The following HDC variants were observed in gnomAD, a reference collection of about 807,000 sequenced individuals.
The protein encoded by HDC is histidine decarboxylase.
In HDC, 27 loss-of-function variants were observed where a neutral mutation model predicts 64.4. The ratio of observed to expected loss-of-function variants is 0.42; its 90% CI spans 0.31 to 0.58. HDC has a LOEUF of 0.58. HDC is among the 20% of genes least tolerant of loss of function. The pLI is 0.16. For missense variants in HDC, 711 were observed against 833.9 expected, an observed-to-expected ratio of 0.85 and a Z score of 1.81; for synonymous variants, 305 against 314.2, an observed-to-expected ratio of 0.97 and a Z score of 0.31.
intron 2 of HDC, among the ~76,000 whole-genome samples, chr15:50,262,884 C>G (rs573919613): frequency 6.6e-6 from 1 of 152,222 alleles, no homozygotes; most frequent in South Asian, 2.1e-4. Context: ...TCTTACTATA[C>G]ACAGTTGTCC....
At chr15:50,243,085 A>C in intron 11 of HDC, 58 bp downstream of exon 11, 1 of 1,613,166 alleles carries the variant, frequency 6.2e-7, no homozygotes, top group Non-Finnish European at 8.5e-7. Context: ...TGTGTTTCCG[A>C]GAGGCTCTGG....
At chr15:50,250,057 C>T (rs758138572) in intron 9 of HDC, among the ~76,000 whole-genome samples, 1 of 152,252 alleles carries the variant, frequency 6.6e-6, no homozygotes, top group Non-Finnish European at 1.5e-5. Flanking sequence ...TAAGGTAACG[C>T]TCCCTCCACT....
At chr15:50,243,044 C>G in intron 11 of HDC, 38 bp from the exon 12 acceptor site, 6 of 1,614,086 alleles carry the variant, frequency 3.7e-6, no homozygotes, top group Non-Finnish European at 5.1e-6. Flanking sequence ...CTCCATCGCA[C>G]CCCCTGTCAG....
chr15:50,252,107 C>G (rs1394565274), intron 9 of HDC, among the ~76,000 whole-genome samples: 1 of 152,154 alleles, frequency 6.6e-6, no homozygotes, highest in Non-Finnish European at 1.5e-5. Flanking sequence ...AAAAAGATGA[C>G]CCGAGATGGA....
At chr15:50,247,115 G>C (rs1355968854) in intron 10 of HDC, among the ~76,000 whole-genome samples, 2 of 152,170 alleles carry the variant, frequency 1.3e-5, no homozygotes, top group Non-Finnish European at 2.9e-5. Flanking sequence ...GGGAATGGGG[G>C]ATAAAGAGGT....
intron 4 of HDC, among the ~76,000 whole-genome samples, chr15:50,256,029 T>C (rs1274346325): frequency 1.3e-5 from 2 of 152,198 alleles, no homozygotes; most frequent in Admixed American, 1.3e-4. Context: ...AGGCATCAGT[T>C]TGAATCCTCG....
At chr15:50,255,632 CA>C (rs953324721) in intron 4 of HDC, among the ~76,000 whole-genome samples, 1 of 150,968 alleles carries the variant, frequency 6.6e-6, no homozygotes, top group South Asian at 2.1e-4. Context: ...CCTGTCTCTA[CA>C]AAAAAAACAA....
chr15:50,263,161 G>A, intron 2 of HDC, 74 bp downstream of exon 2: 1 of 1,498,386 alleles, frequency 6.7e-7, no homozygotes, highest in Non-Finnish European at 9.3e-7. Flanking sequence ...CCCAAAGCAG[G>A]TCTTTCTCCA....
Position 50,263,228 on chromosome 15 carries a change from G to T in HDC, c.204+7C>A. The T allele has an allele frequency of 6.2e-7, 1 of 1,613,962 alleles. No individual in the cohort carries two copies. Among genetic ancestry groups the T allele is most frequent in the Non-Finnish European group, 8.5e-7 (1 of 1,179,894 alleles). ...CCAGAACTGCCCTTGTGGTCACTGT[G>T]TCTCACCCCAGGCATGATGATTCGT... On this transcript the variant is annotated splice_region_variant and intron_variant, in intron 2 of 11. Coordinates refer to ENST00000267845, the MANE Select transcript of HDC (RefSeq NM_002112.4).
rs997788696 is a variant in HDC, at chr15:50,264,854, T to C, written c.31+739A>G. 4.3e-4 allele frequency among the ~76,000 whole-genome samples: 66 copies of C among 152,336 alleles called. 1 individual carries two copies. Among genetic ancestry groups the C allele is most frequent in the African/African-American group, 1.6e-3 (65 of 41,566 alleles). On this transcript the variant is annotated intron_variant, in intron 1 of 11. Coordinates refer to ENST00000267845, the MANE Select transcript of HDC (RefSeq NM_002112.4). ...GGCCCCACCAGAGATCTGAGAGCTC[T>C]AGACCTAACCCTCCACTGATCCAGG...
intron 10 of HDC, among the ~76,000 whole-genome samples, chr15:50,246,904 G>A (rs8042671): frequency 0.012 from 1,771 of 152,322 alleles, 33 homozygotes; most frequent in African/African-American, 0.041. Context: ...TAAACAACCA[G>A]TGGTGATTAC....
intron 9 of HDC, among the ~76,000 whole-genome samples, chr15:50,249,417 A>G (rs557513314): frequency 5.3e-4 from 80 of 152,318 alleles, no homozygotes; most frequent in African/African-American, 1.9e-3. Context: ...GCCCATACAC[A>G]AGATTATCAA....
At chr15:50,243,508 G>A (rs976369431) in intron 10 of HDC, among the ~76,000 whole-genome samples, 1 of 152,200 alleles carries the variant, frequency 6.6e-6, no homozygotes, top group South Asian at 2.1e-4. Context: ...CCAGAACCCA[G>A]AAGGCATGTG....
At chr15:50,256,698 T>C (rs1005472049) in intron 4 of HDC, among the ~76,000 whole-genome samples, 1 of 152,104 alleles carries the variant, frequency 6.6e-6, no homozygotes, top group Non-Finnish European at 1.5e-5. Flanking sequence ...GATTTTTATT[T>C]AAAAAAAGAA....
At chr15:50,249,748 T>C (rs866913039) in intron 9 of HDC, among the ~76,000 whole-genome samples, 24 of 152,392 alleles carry the variant, frequency 1.6e-4, no homozygotes, top group African/African-American at 5.0e-4. Context: ...CAGATAGTTA[T>C]AGCCAATTTA....
chr15:50,248,443 G>A lies in HDC; in HGVS notation c.1042-100C>T. 1 of 786,902 alleles carries A rather than the reference G, an allele frequency of 1.3e-6. No individual in the cohort carries two copies. The highest frequency in any genetic ancestry group is 1.4e-5 in the South Asian group (1 of 69,910). 48.7% of individuals were successfully genotyped at this position (786,902 alleles called of 1,614,324 possible). On this transcript the variant is annotated intron_variant, in intron 9 of 11. Transcript: ENST00000267845. The surrounding 1 kb of genome is among the most constrained non-coding windows in gnomAD (Gnocchi z 4.3). ...TCTGTTGCCTGCCCAGCCCTCCAGG[G>A]ATGGACGATGTCACCATGACTCTGG...
In HDC at chr15:50,242,990, G is replaced by A; in HGVS notation, c.1259C>T (p.Thr420Ile). The change falls in exon 12 of 12, where the codon ACA becomes ATA. Residue 420 changes from threonine (T) to isoleucine (I), a missense_variant. Thr to Ile is a moderately conservative substitution (Grantham distance 89). Coordinates refer to ENST00000267845, the MANE Select transcript of HDC (RefSeq NM_002112.4). ...VFRLKGPNCL[T>I]ENVLKEIAKA... ...AGCTATTTCCTTTAACACATTTTCT[G>A]TGAGACAATTAGGACCCTGTTTGAA... 6.2e-7 allele frequency: 1 copy of A among 1,614,036 alleles called. No individual in the cohort carries two copies. Among genetic ancestry groups the A allele is most frequent in the Non-Finnish European group, 8.5e-7 (1 of 1,179,996 alleles).
intron 10 of HDC, chr15:50,245,008 T>C (rs1340375836): frequency 2.6e-5 from 4 of 152,014 alleles, no homozygotes. Context: ...GTAGATCTCC[T>C]CCCACTGTGC....
At chr15:50,253,692 C>G in intron 6 of HDC, 26 bp from the exon 7 acceptor site, 1 of 1,601,478 alleles carries the variant, frequency 6.2e-7, no homozygotes, top group African/African-American at 1.3e-5. Context: ...GGCAAGTTAA[C>G]ACAGGAGGGT....
Sources: gnomAD v4.1 joint callset for allele counts (sites outside exome capture counted in the v4.1 genomes callset) on GRCh38, gnomAD v4.1.1 for gene constraint, Gnocchi (gnomAD v3.1) non-coding constraint, MANE v1.5 for transcripts, NCBI Gene and HGNC (gene_info 2026-07-23, HGNC 2026-07-21) for gene names.